The following PPME1 variants were observed in gnomAD, a reference collection of about 807,000 sequenced individuals.
PPME1 encodes the protein protein phosphatase methylesterase 1, also known as testicular secretory protein Li 39.
PPME1 carries 17 observed loss-of-function variants against 56.9 expected under a neutral mutation model. That is an observed-to-expected ratio of 0.30 (90% confidence interval 0.20 to 0.45). PPME1 has a LOEUF of 0.45. Among genes scored for constraint, PPME1 ranks in the 20% least tolerant of loss-of-function variants. The pLI, the probability that PPME1 is intolerant of heterozygous loss-of-function variation, is 1.00. For synonymous variants in PPME1, 122 were observed against 156.2 expected (o/e 0.78, Z 1.63); for missense variants, 357 against 483.2 (o/e 0.74, Z 2.45).
Position 74,253,769 on chromosome 11 carries a change from G to A in PPME1, c.*259G>A. Reference sequence around the variant, plus strand: ...CCTTCCCTGTACTGGGGTAGCTCCTGCCTGCTCTCCCTGCGTTGCCTAGGG... The same window carrying A: ...CCTTCCCTGTACTGGGGTAGCTCCTACCTGCTCTCCCTGCGTTGCCTAGGG... On this transcript the variant is annotated 3_prime_UTR_variant, in exon 14 of 14. Coordinates refer to ENST00000328257, the MANE Select transcript of PPME1 (RefSeq NM_016147.3). 1 of 572,058 alleles carries A rather than the reference G, an allele frequency of 1.7e-6. No individual in the cohort carries two copies. The highest frequency in any genetic ancestry group is 3.1e-6 in the Non-Finnish European group (1 of 321,978). 35.4% of individuals were successfully genotyped at this position (572,058 alleles called of 1,614,324 possible). A position where few individuals can be genotyped will look rare whatever the true frequency, so the allele number is the denominator to read the frequency against.
intron 4 of PPME1, among the ~76,000 whole-genome samples, chr11:74,224,366 G>A (rs1858879657): frequency 7.7e-6 from 1 of 129,202 alleles, no homozygotes. Context: ...ATAGTTTGAA[G>A]TCAGGTAGTG....
At position 74,230,882 on chromosome 11, in the gene PPME1, A is replaced by G. The variant is rs1273109827; in HGVS notation, c.554-30A>G. The G allele has an allele frequency of 6.7e-7, 1 of 1,492,408 alleles. No homozygotes were observed. The highest frequency in any genetic ancestry group is 1.9e-5 in the Admixed American group (1 of 53,428). The allele number at this position is 1,492,408 out of a possible 1,614,324, so 92.4% of individuals were successfully genotyped here. On this transcript the variant is annotated intron_variant, in intron 6 of 13. Transcript: ENST00000328257. This position sits in a 1 kb window ranked among gnomAD's most constrained non-coding sequence, Gnocchi z 4.9. ...TGTAAATGCTCAGAATAAGTTAAAT[A>G]TGTGGTTACAGTTTTTGTTTAACAT... is the stretch of plus-strand genomic sequence containing the variant.
At position 74,205,344 on chromosome 11, in the gene PPME1, G is replaced by A. The variant is rs1314406323; in HGVS notation, c.288+899G>A. 2.6e-5 allele frequency: 4 copies of A among 152,306 alleles called. No homozygotes were observed. In the East Asian group the frequency reaches 7.7e-4, roughly 29 times the overall value. The allele number at this position is 152,306 out of a possible 1,614,324, so 9.4% of individuals were successfully genotyped here. A position where few individuals can be genotyped will look rare whatever the true frequency, so the allele number is the denominator to read the frequency against. On this transcript the variant is annotated intron_variant, in intron 3 of 13. Transcript: ENST00000328257. ...TCTTCCTAATACCTTTGACTCTGGG[G>A]TGGGACAGCCCATGTGCAAGGAGAG...
Position 74,171,545 on chromosome 11 carries a change from C to A in PPME1, c.101+23C>A, listed in dbSNP as rs779577918. 6 of 1,595,180 alleles carry A rather than the reference C, an allele frequency of 3.8e-6. No homozygotes were observed. The South Asian group carries it at 5.6e-5, about 15-fold the overall frequency. The stretch of plus-strand genomic sequence containing the variant: ...GGGGTACGTGACCCATACCCCTTCT[C>A]CCTATGGGCCAGGCCCCAGCCGTTG... On this transcript the variant is annotated intron_variant, in intron 1 of 13. Coordinates refer to ENST00000328257, the MANE Select transcript of PPME1 (RefSeq NM_016147.3).
At chr11:74,237,293 T>TTTTTTTTTTA (rs1859216468) in intron 8 of PPME1, among the ~76,000 whole-genome samples, 3 of 149,754 alleles carry the variant, frequency 2.0e-5, no homozygotes, top group African/African-American at 7.4e-5. Context: ...TTTTTTTTTT[T>TTTTTTTTTTA]GAGACAGAGT....
chr11:74,252,239 G>GGTTT (rs1451114729), intron 13 of PPME1, among the ~76,000 whole-genome samples: 3 of 112,350 alleles, frequency 2.7e-5, no homozygotes, highest in African/African-American at 9.8e-5. Flanking sequence ...GGCTAATTTT[G>GGTTT]TTTTTTTTTT....
At chr11:74,237,811 G>A (rs562688009) in intron 8 of PPME1, 2 of 152,266 alleles carry the variant, frequency 1.3e-5, no homozygotes, top group South Asian at 4.1e-4. Flanking sequence ...ATGGTTTTAT[G>A]CCTAAAAGGG....
intron 13 of PPME1, chr11:74,252,573 C>T (rs560070920): frequency 2.2e-6 from 1 of 454,098 alleles, no homozygotes; most frequent in South Asian, 1.6e-5. Context: ...TTTTCAACCT[C>T]AGCTTTATTG....
At position 74,230,400 on chromosome 11, in the gene PPME1, G is replaced by A. The variant is rs1859036479; in HGVS notation, c.553+1G>A. 6.2e-7 allele frequency: 1 copy of A among 1,613,492 alleles called. No homozygotes were observed. Among genetic ancestry groups the A allele is most frequent in the Admixed American group, 1.7e-5 (1 of 59,934 alleles). On this transcript the variant is annotated splice_donor_variant, in intron 6 of 13. Transcript: ENST00000328257. LOFTEE classifies it high-confidence loss of function. The surrounding 1 kb of genome is among the most constrained non-coding windows in gnomAD (Gnocchi z 4.9). ...CTGTGCATGATTGATGTTGTAGAAG[G>A]TGAGTTTTCTTAGCACTGACCAAAT... is the stretch of plus-strand genomic sequence containing the variant.
rs1591002272 is a variant in PPME1 at position 74,171,335 on chromosome 11, G to C, written c.-87G>C. Reference sequence around the variant, plus strand: ...TCCAAAGGCGACAGGGCGTCGTTAGGGGAGCGAGTCGTGACCGGTTGGGCC... The same window carrying C: ...TCCAAAGGCGACAGGGCGTCGTTAGCGGAGCGAGTCGTGACCGGTTGGGCC... On this transcript the variant is annotated 5_prime_UTR_variant, in exon 1 of 14. Transcript: ENST00000328257. 8 of 1,520,844 alleles carry C rather than the reference G, an allele frequency of 5.3e-6. No homozygotes were observed. In the East Asian group the frequency reaches 2.0e-4, roughly 37 times the overall value. 94.2% of individuals were successfully genotyped at this position (1,520,844 alleles called of 1,614,324 possible).
intron 13 of PPME1, 109 bp from the exon 14 acceptor site, chr11:74,253,383 G>T: frequency 1.8e-6 from 2 of 1,135,108 alleles, no homozygotes; most frequent in Non-Finnish European, 2.6e-6. Flanking sequence ...GGTCAGATTT[G>T]CCAGGGCCTT....
intron 1 of PPME1, among the ~76,000 whole-genome samples, chr11:74,188,322 G>A (rs573633283): frequency 2.6e-5 from 4 of 151,676 alleles, no homozygotes; most frequent in African/African-American, 9.7e-5. Flanking sequence ...GAGTAGCTGG[G>A]ATTACAGGCG....
chr11:74,249,901 C>A (rs543431001), intron 11 of PPME1: 18 of 152,314 alleles, frequency 1.2e-4, no homozygotes, highest in African/African-American at 4.1e-4. Context: ...AGGAGGGGCA[C>A]AGGATGGACT....
At chr11:74,172,916 A>G (rs1430918523) in intron 1 of PPME1, among the ~76,000 whole-genome samples, 1 of 152,174 alleles carries the variant, frequency 6.6e-6, no homozygotes, top group African/African-American at 2.4e-5. Context: ...AGAGTAGGAG[A>G]TGCAGTACTG....
intron 1 of PPME1, among the ~76,000 whole-genome samples, chr11:74,190,120 A>G (rs554011697): frequency 6.6e-6 from 1 of 152,370 alleles, no homozygotes; most frequent in South Asian, 2.1e-4. Flanking sequence ...TTAATGAAGC[A>G]GATGACTGGA....
intron 3 of PPME1, among the ~76,000 whole-genome samples, chr11:74,212,539 C>G (rs550071393): frequency 6.6e-6 from 1 of 152,126 alleles, no homozygotes; most frequent in African/African-American, 2.4e-5. Flanking sequence ...GGAGTGCTTA[C>G]GCCACCTCTC....
At chr11:74,205,357 T>G (rs1183884198) in intron 3 of PPME1, 1 of 152,208 alleles carries the variant, frequency 6.6e-6, no homozygotes, top group Non-Finnish European at 1.5e-5. Flanking sequence ...GGACAGCCCA[T>G]GTGCAAGGAG....
intron 1 of PPME1, among the ~76,000 whole-genome samples, chr11:74,192,839 A>C (rs1466965220): frequency 6.6e-5 from 10 of 152,228 alleles, no homozygotes; most frequent in Non-Finnish European, 1.5e-5. Flanking sequence ...TACCAGGAAC[A>C]GATGCTGGTA....
chr11:74,195,565 A>G (rs573415676), intron 1 of PPME1, among the ~76,000 whole-genome samples: 14 of 152,172 alleles, frequency 9.2e-5, no homozygotes, highest in Non-Finnish European at 1.6e-4. Flanking sequence ...TGTGTCTACA[A>G]ACATTCTTAT....
Sources: gnomAD v4.1 joint callset for allele counts (sites outside exome capture counted in the v4.1 genomes callset) on GRCh38, gnomAD v4.1.1 for gene constraint, Gnocchi (gnomAD v3.1) non-coding constraint, MANE v1.5 for transcripts, NCBI Gene and HGNC (gene_info 2026-07-23, HGNC 2026-07-21) for gene names.